Variants in TSPAN5 observed in about 807,000 individuals in gnomAD.
TSPAN5 encodes the protein tetraspanin-5.
TSPAN5 carries 10 observed loss-of-function variants against 37.1 expected under a neutral mutation model. The observed-to-expected ratio is 0.27, with a 90% CI of 0.17 to 0.46. The LOEUF is 0.46. Ranked by LOEUF, TSPAN5 falls within the 20% of genes least tolerant of loss-of-function variation. TSPAN5 has a pLI of 1.00. For synonymous variants in TSPAN5, 110 were observed against 118.9 expected (o/e 0.93, Z 0.48); for missense variants, 195 against 326.6 (o/e 0.60, Z 3.11).
chr4:98,471,058 G>A lies in TSPAN5; in HGVS notation c.*1464C>T, dbSNP rs555379258. 3 of 152,304 alleles carry A rather than the reference G, an allele frequency of 2.0e-5. No individual in the cohort carries two copies. The South Asian group carries it at 6.2e-4, about 32-fold the overall frequency. The allele number at this position is 152,304 out of a possible 1,614,324, so 9.4% of individuals were successfully genotyped here. On this transcript the variant is annotated 3_prime_UTR_variant, in exon 8 of 8. Transcript: ENST00000305798. Reference sequence around the variant, plus strand: ...TCCCTCCCACCTAAAGTGGGGGCAGGAGCGGCAGCACCAGGAAGTGGTTTC... The same window carrying A: ...TCCCTCCCACCTAAAGTGGGGGCAGAAGCGGCAGCACCAGGAAGTGGTTTC...
At chr4:98,656,947 C>G (rs1417720649) in intron 1 of TSPAN5, among the ~76,000 whole-genome samples, 1 of 152,168 alleles carries the variant, frequency 6.6e-6, no homozygotes, top group East Asian at 1.9e-4. Flanking sequence ...ATTCCGTGTT[C>G]AGACTGCTGT....
intron 1 of TSPAN5, among the ~76,000 whole-genome samples, chr4:98,621,626 C>T (rs529606057): frequency 5.5e-4 from 84 of 152,154 alleles, no homozygotes; most frequent in Non-Finnish European, 9.7e-4. Flanking sequence ...CCTCAGGCTC[C>T]CAAAGTGCTA....
chr4:98,638,592 G>C (rs1458945372), intron 1 of TSPAN5, among the ~76,000 whole-genome samples: 1 of 152,200 alleles, frequency 6.6e-6, no homozygotes, highest in Admixed American at 6.5e-5. Context: ...CAGATGAAGA[G>C]ATTCACAGGT....
At chr4:98,513,084 A>G (rs1753646004) in intron 1 of TSPAN5, among the ~76,000 whole-genome samples, 1 of 152,206 alleles carries the variant, frequency 6.6e-6, no homozygotes, top group Non-Finnish European at 1.5e-5. Flanking sequence ...AAGGAGGAAG[A>G]GTGTTTCAGG....
chr4:98,637,430 A>C (rs1478836178), intron 1 of TSPAN5, among the ~76,000 whole-genome samples: 1 of 152,172 alleles, frequency 6.6e-6, no homozygotes, highest in Non-Finnish European at 1.5e-5. Context: ...GTCTCAACTG[A>C]TGACCACAGG....
At chr4:98,627,381 A>AT (rs1402946018) in intron 1 of TSPAN5, among the ~76,000 whole-genome samples, 1 of 151,944 alleles carries the variant, frequency 6.6e-6, no homozygotes, top group African/African-American at 2.4e-5. Flanking sequence ...TATTTTTGCC[A>AT]TTTTCCTGTA....
intron 1 of TSPAN5, among the ~76,000 whole-genome samples, chr4:98,509,257 G>A (rs1753550845): frequency 6.6e-6 from 1 of 152,202 alleles, no homozygotes. Context: ...AAATGAGTGA[G>A]AGTGGTTATT....
At chr4:98,479,575 C>T (rs1206198257) in intron 4 of TSPAN5, among the ~76,000 whole-genome samples, 1 of 152,218 alleles carries the variant, frequency 6.6e-6, no homozygotes, top group Non-Finnish European at 1.5e-5. Context: ...TAAACAGACA[C>T]ATGAGGGGCA....
At chr4:98,486,205 C>T (rs961086148) in intron 3 of TSPAN5, among the ~76,000 whole-genome samples, 1 of 152,200 alleles carries the variant, frequency 6.6e-6, no homozygotes, top group African/African-American at 2.4e-5. Context: ...GTGATCACGC[C>T]AACCGCACCA....
chr4:98,601,471 G>C lies in TSPAN5; in HGVS notation c.81+56675C>G, dbSNP rs145013598. Among the ~76,000 whole-genome samples, 737 of 152,318 alleles carry C rather than the reference G, an allele frequency of 4.8e-3. 4 individuals are homozygous for C. The highest frequency in any genetic ancestry group is 0.017 in the African/African-American group (704 of 41,570). Reference sequence around the variant, plus strand: ...GTGCTGCTTCACCTTGCGCTTTTATGTTATGAAGATGGCTGCTTTCCTTAA... The same window carrying C: ...GTGCTGCTTCACCTTGCGCTTTTATCTTATGAAGATGGCTGCTTTCCTTAA... On this transcript the variant is annotated intron_variant, in intron 1 of 7. Transcript: ENST00000305798.
chr4:98,555,934 C>T (rs1231944154), intron 1 of TSPAN5, among the ~76,000 whole-genome samples: 1 of 151,998 alleles, frequency 6.6e-6, no homozygotes, highest in East Asian at 1.9e-4. Context: ...ATTCTTTTCT[C>T]CTCCCTGCAA....
chr4:98,622,940 A>G (rs547184068), intron 1 of TSPAN5, among the ~76,000 whole-genome samples: 1 of 152,368 alleles, frequency 6.6e-6, no homozygotes, highest in South Asian at 2.1e-4. Context: ...AAGGAGACTG[A>G]GCAAAGACAA....
chr4:98,492,807 G>C (rs1337922868), intron 2 of TSPAN5, among the ~76,000 whole-genome samples: 1 of 152,132 alleles, frequency 6.6e-6, no homozygotes, highest in African/African-American at 2.4e-5. Context: ...TAGGTGATTT[G>C]TCTATGTTAC....
intron 1 of TSPAN5, among the ~76,000 whole-genome samples, chr4:98,644,284 T>C (rs1757017236): frequency 6.6e-6 from 1 of 152,162 alleles, no homozygotes; most frequent in Admixed American, 6.5e-5. Flanking sequence ...CTTTAAAAAG[T>C]TAATTAACTA....
At chr4:98,509,446 A>G (rs920113122) in intron 1 of TSPAN5, among the ~76,000 whole-genome samples, 1 of 152,220 alleles carries the variant, frequency 6.6e-6, no homozygotes, top group African/African-American at 2.4e-5. Context: ...CCGAAAACAT[A>G]GTGGTGTTTT....
intron 2 of TSPAN5, 142 bp from the exon 3 acceptor site, chr4:98,487,026 TAA>T (rs1430769763): frequency 1.6e-6 from 1 of 614,480 alleles, no homozygotes; most frequent in Non-Finnish European, 2.6e-6. Context: ...GATTAATACT[TAA>T]GAGAGGAAAG....
At chr4:98,505,806 C>T (rs1462939308) in intron 2 of TSPAN5, among the ~76,000 whole-genome samples, 3 of 152,200 alleles carry the variant, frequency 2.0e-5, no homozygotes, top group East Asian at 1.9e-4. Context: ...CCTCTGCTGC[C>T]TCTATTTGTT....
At chr4:98,632,661 A>G (rs761706019) in intron 1 of TSPAN5, among the ~76,000 whole-genome samples, 8 of 152,210 alleles carry the variant, frequency 5.3e-5, no homozygotes, top group Non-Finnish European at 1.2e-4. Context: ...CTAGCGCAAG[A>G]TACAGACAAT....
intron 1 of TSPAN5, among the ~76,000 whole-genome samples, chr4:98,513,149 T>A (rs1373913313): frequency 6.6e-6 from 1 of 151,998 alleles, no homozygotes; most frequent in East Asian, 1.9e-4. Context: ...AGTAAACAGG[T>A]CTAAAAGGCA....
Sources: allele counts gnomAD v4.1 joint callset (sites outside exome capture counted in the v4.1 genomes callset), GRCh38; gene constraint gnomAD v4.1.1; transcripts MANE v1.5; gene names NCBI Gene and HGNC (gene_info 2026-07-23, HGNC 2026-07-21).